Variants in ACVR1C observed in about 807,000 individuals in gnomAD.
ACVR1C encodes activin A receptor type 1C, also known as activin receptor type-1C.
Under a neutral mutation model 57.9 loss-of-function variants are expected in ACVR1C, and 23 were observed. The ratio of observed to expected loss-of-function variants is 0.40; its 90% CI spans 0.29 to 0.56. ACVR1C has a LOEUF of 0.56. Among genes scored for constraint, ACVR1C ranks in the 20% least tolerant of loss-of-function variants. ACVR1C has a pLI of 0.50. For missense variants in ACVR1C, 480 were observed against 607.9 expected, an observed-to-expected ratio of 0.79 and a Z score of 2.21; for synonymous variants, 214 against 215.3, an observed-to-expected ratio of 0.99 and a Z score of 0.05.
At chr2:157,617,462 A>G (rs1382215325) in intron 1 of ACVR1C, among the ~76,000 whole-genome samples, 1 of 152,036 alleles carries the variant, frequency 6.6e-6, no homozygotes, top group Non-Finnish European at 1.5e-5. Context: ...GGTGGAATAA[A>G]GAACAGCAGA....
chr2:157,573,889 G>A (rs1407252262), intron 2 of ACVR1C, among the ~76,000 whole-genome samples: 2 of 152,154 alleles, frequency 1.3e-5, no homozygotes, highest in Admixed American at 1.3e-4. Context: ...AAGGAAGTAA[G>A]ATACAAAATT....
At chr2:157,546,018 G>A (rs1333062291) in intron 4 of ACVR1C, among the ~76,000 whole-genome samples, 2 of 152,112 alleles carry the variant, frequency 1.3e-5, no homozygotes, top group East Asian at 3.9e-4. Flanking sequence ...CTGACCTCAG[G>A]TGATCCACCC....
chr2:157,592,202 T>G (rs1280784182), intron 1 of ACVR1C, among the ~76,000 whole-genome samples: 2 of 152,040 alleles, frequency 1.3e-5, no homozygotes, highest in Non-Finnish European at 2.9e-5. Context: ...AATCTCACCT[T>G]ACAGCTTTAT....
intron 1 of ACVR1C, among the ~76,000 whole-genome samples, chr2:157,622,462 C>A (rs1370684838): frequency 6.6e-6 from 1 of 152,166 alleles, no homozygotes; most frequent in Admixed American, 6.5e-5. Context: ...AACAAATCCA[C>A]ACACCTACAG....
chr2:157,559,489 C>T (rs983145468), intron 2 of ACVR1C, among the ~76,000 whole-genome samples: 2 of 152,100 alleles, frequency 1.3e-5, no homozygotes, highest in African/African-American at 4.8e-5. Context: ...GAATACGTTT[C>T]AATAATCATT....
intron 1 of ACVR1C, among the ~76,000 whole-genome samples, chr2:157,602,420 G>A (rs1682300416): frequency 6.6e-6 from 1 of 152,156 alleles, no homozygotes; most frequent in Admixed American, 6.5e-5. Flanking sequence ...AAATGGTTAG[G>A]GGGTTGGTCA....
intron 1 of ACVR1C, among the ~76,000 whole-genome samples, chr2:157,591,238 A>T (rs935895228): frequency 6.6e-6 from 1 of 151,880 alleles, no homozygotes; most frequent in African/African-American, 2.4e-5. Flanking sequence ...AATGACCCAG[A>T]CTAGATTCTA....
intron 1 of ACVR1C, among the ~76,000 whole-genome samples, chr2:157,615,056 T>C (rs1235890565): frequency 1.3e-5 from 2 of 152,204 alleles, no homozygotes; most frequent in African/African-American, 4.8e-5. Flanking sequence ...TTTCCATTCA[T>C]TGTTTTTGGT....
chr2:157,546,467 G>A (rs1687758289), intron 4 of ACVR1C, among the ~76,000 whole-genome samples: 1 of 152,072 alleles, frequency 6.6e-6, no homozygotes, highest in Admixed American at 6.5e-5. Context: ...TTATGATTAA[G>A]TTTATATTAG....
At chr2:157,553,667 T>C (rs1472782570) in intron 3 of ACVR1C, among the ~76,000 whole-genome samples, 1 of 152,176 alleles carries the variant, frequency 6.6e-6, no homozygotes, top group African/African-American at 2.4e-5. Flanking sequence ...ATCTAACATC[T>C]TCAGATAATT....
chr2:157,576,203 C>CTTTTTTTTTT (rs10628650), intron 2 of ACVR1C, among the ~76,000 whole-genome samples: 10 of 97,936 alleles, frequency 1.0e-4, no homozygotes, highest in Non-Finnish European at 1.8e-4. Context: ...ATAATCATTT[C>CTTTTTTTTTT]TTTTTTTTTT....
intron 3 of ACVR1C, among the ~76,000 whole-genome samples, chr2:157,554,382 G>GGGAA (rs375436705): frequency 2.0e-5 from 3 of 146,476 alleles, no homozygotes; most frequent in South Asian, 2.2e-4. Context: ...GAGGGAGGGA[G>GGGAA]GGAAGGAAGG....
intron 4 of ACVR1C, among the ~76,000 whole-genome samples, chr2:157,547,029 C>T (rs966857646): frequency 7.8e-5 from 11 of 141,700 alleles, no homozygotes; most frequent in Non-Finnish European, 1.1e-4. Flanking sequence ...CATGTGATCT[C>T]ATTGTTCAAT....
chr2:157,534,819 G>T (rs745647410), intron 8 of ACVR1C, among the ~76,000 whole-genome samples: 2 of 152,034 alleles, frequency 1.3e-5, no homozygotes, highest in African/African-American at 4.8e-5. Flanking sequence ...CTGATGGATC[G>T]CATGTAATAG....
At chr2:157,563,430 A>T (rs1326745374) in intron 2 of ACVR1C, among the ~76,000 whole-genome samples, 1 of 152,178 alleles carries the variant, frequency 6.6e-6, no homozygotes, top group Non-Finnish European at 1.5e-5. Flanking sequence ...AGGACCCTGA[A>T]GGAGAACTAC....
intron 1 of ACVR1C, among the ~76,000 whole-genome samples, chr2:157,596,447 T>C (rs149920933): frequency 2.6e-3 from 397 of 152,258 alleles, no homozygotes; most frequent in Non-Finnish European, 4.3e-3. Flanking sequence ...GAACCACTAA[T>C]GTATACAACT....
intron 1 of ACVR1C, among the ~76,000 whole-genome samples, chr2:157,625,969 C>T (rs1306027956): frequency 2.0e-5 from 3 of 152,012 alleles, no homozygotes; most frequent in African/African-American, 4.8e-5. Flanking sequence ...CTGAGTTTTT[C>T]GTTGCTCTTG....
rs944869943 is a variant in ACVR1C at position 157,579,328 on chromosome 2, T to C, written c.304+7859A>G. Among the ~76,000 whole-genome samples the C allele has an allele frequency of 5.9e-5, 9 of 152,204 alleles. No homozygotes were observed. The East Asian group carries it at 1.7e-3, about 29-fold the overall frequency. On this transcript the variant is annotated intron_variant, in intron 2 of 8. Transcript: ENST00000243349. ...CCATATATTCCATTTGTATTCTCTA[T>C]ATACTGCATACAAAATTATTTCTTC...
At chr2:157,579,948 T>C (rs1170251699) in intron 2 of ACVR1C, among the ~76,000 whole-genome samples, 1 of 152,150 alleles carries the variant, frequency 6.6e-6, no homozygotes, top group Non-Finnish European at 1.5e-5. Context: ...ATTTGACCAT[T>C]TGGATTTTCT....
Sources: allele counts gnomAD v4.1 joint callset (sites outside exome capture counted in the v4.1 genomes callset), GRCh38; gene constraint gnomAD v4.1.1; transcripts MANE v1.5; gene names NCBI Gene and HGNC (gene_info 2026-07-23, HGNC 2026-07-21).